The following ATXN1 variants were observed in gnomAD, a reference collection of about 807,000 sequenced individuals.
ATXN1 encodes the protein ataxin-1.
A neutral mutation model predicts 56.4 loss-of-function variants in ATXN1; 8 were observed. That is an observed-to-expected ratio of 0.14 (90% CI 0.08 to 0.26). The LOEUF (loss-of-function observed/expected upper bound fraction) is 0.26, where lower values mean the gene tolerates loss of function less well. Among genes scored for constraint, ATXN1 ranks in the 10% least tolerant of loss-of-function variants. The pLI is 1.00. For missense variants in ATXN1, 987 were observed against 1,106.5 expected (o/e 0.89, Z 1.53); for synonymous variants, 514 against 494.6 (o/e 1.04, Z -0.52).
At chr6:16,465,426 C>A (rs1169125715) in intron 6 of ATXN1, among the ~76,000 whole-genome samples, 4 of 152,208 alleles carry the variant, frequency 2.6e-5, no homozygotes, top group African/African-American at 4.8e-5. Context: ...CACTGCACTC[C>A]AGCCTGGGTG....
chr6:16,587,366 C>T (rs138863737), intron 3 of ATXN1, among the ~76,000 whole-genome samples: 91 of 152,232 alleles, frequency 6.0e-4, no homozygotes, highest in African/African-American at 2.0e-3. Flanking sequence ...AGAGGAATTT[C>T]GATATCTAAT....
chr6:16,469,219 C>G lies in ATXN1; in HGVS notation c.-161+16753G>C, dbSNP rs547958326. ...CTATTAGGGCCTGAAAAACCAACAG[C>G]AATTATACAAGAGTCTTGCCCTTAA... On this transcript the variant is annotated intron_variant, in intron 6 of 7. Transcript: ENST00000436367. 3.9e-5 allele frequency among the ~76,000 whole-genome samples: 6 copies of G among 152,264 alleles called. 1 individual carries two copies. Among genetic ancestry groups the G allele is most frequent in the African/African-American group, 1.2e-4 (5 of 41,554 alleles).
intron 3 of ATXN1, among the ~76,000 whole-genome samples, chr6:16,606,990 G>A (rs560692645): frequency 2.7e-5 from 4 of 150,796 alleles, no homozygotes; most frequent in Non-Finnish European, 4.4e-5. Flanking sequence ...GGGTTCAAGC[G>A]ATTCTCCTGC....
intron 6 of ATXN1, among the ~76,000 whole-genome samples, chr6:16,402,064 T>C (rs552777938): frequency 6.6e-6 from 1 of 152,096 alleles, no homozygotes; most frequent in South Asian, 2.1e-4. Flanking sequence ...GTGAGACTTA[T>C]CCATTACCAC....
intron 3 of ATXN1, chr6:16,615,349 G>A (rs1277256833): frequency 6.6e-6 from 1 of 151,392 alleles, no homozygotes. Context: ...AGGAATGGAA[G>A]GGAGAACTGT....
rs912944047 is a variant in ATXN1, at chr6:16,300,872, A to G, written c.*5457T>C. On this transcript the variant is annotated 3_prime_UTR_variant, in exon 8 of 8. Transcript: ENST00000436367. Reference sequence around the variant, plus strand: ...GAAGGGAGCTCAGAGAAGTACTTTCAGCATAGGAATGAACAGTATTCTCAA... The same window carrying G: ...GAAGGGAGCTCAGAGAAGTACTTTCGGCATAGGAATGAACAGTATTCTCAA... 1 of 152,788 alleles carries G rather than the reference A, an allele frequency of 6.5e-6. No individual in the cohort carries two copies. Among genetic ancestry groups the G allele is most frequent in the Non-Finnish European group, 1.5e-5 (1 of 68,036 alleles). The allele number at this position is 152,788 out of a possible 1,614,324, so 9.5% of individuals were successfully genotyped here.
chr6:16,399,723 G>A (rs906587716), intron 6 of ATXN1, among the ~76,000 whole-genome samples: 2 of 152,210 alleles, frequency 1.3e-5, no homozygotes, highest in East Asian at 1.9e-4. Context: ...AGCATCCAGC[G>A]CATAGAGGCC....
At chr6:16,718,645 A>G (rs1355471225) in intron 2 of ATXN1, among the ~76,000 whole-genome samples, 1 of 152,250 alleles carries the variant, frequency 6.6e-6, no homozygotes, top group East Asian at 1.9e-4. Context: ...GTAAATTATC[A>G]AAATGTAAAC....
intron 3 of ATXN1, among the ~76,000 whole-genome samples, chr6:16,622,471 G>A (rs548506701): frequency 2.0e-5 from 3 of 152,040 alleles, no homozygotes; most frequent in Non-Finnish European, 4.4e-5. Context: ...GTAAAGAAAT[G>A]AACTGACAAA....
At chr6:16,610,529 T>A (rs544055931) in intron 3 of ATXN1, among the ~76,000 whole-genome samples, 70 of 152,074 alleles carry the variant, frequency 4.6e-4, no homozygotes, top group African/African-American at 1.5e-3. Context: ...TGGCAAAGGG[T>A]TCTGATACAA....
chr6:16,604,454 G>A (rs1013067610), intron 3 of ATXN1, among the ~76,000 whole-genome samples: 1 of 151,786 alleles, frequency 6.6e-6, no homozygotes, highest in Non-Finnish European at 1.5e-5. Flanking sequence ...AACCACAATT[G>A]TATCACTGCT....
At chr6:16,332,326 A>C (rs188557727) in intron 6 of ATXN1, among the ~76,000 whole-genome samples, 1 of 152,230 alleles carries the variant, frequency 6.6e-6, no homozygotes, top group East Asian at 1.9e-4. Flanking sequence ...TTCCTGGTCT[A>C]TCGGGTGATC....
chr6:16,439,137 G>A (rs1246419241), intron 6 of ATXN1, among the ~76,000 whole-genome samples: 2 of 151,796 alleles, frequency 1.3e-5, no homozygotes, highest in Non-Finnish European at 2.9e-5. Flanking sequence ...TAAGAAGCAC[G>A]TTTGCCCATC....
intron 6 of ATXN1, among the ~76,000 whole-genome samples, chr6:16,481,672 C>T (rs981149710): frequency 1.3e-5 from 2 of 152,204 alleles, no homozygotes; most frequent in African/African-American, 4.8e-5. Flanking sequence ...CTTCCCATCA[C>T]ACACCACAGA....
At chr6:16,540,637 T>C (rs994801728) in intron 4 of ATXN1, among the ~76,000 whole-genome samples, 3 of 152,176 alleles carry the variant, frequency 2.0e-5, no homozygotes, top group Non-Finnish European at 4.4e-5. Context: ...ATGGCTGCAG[T>C]TGGGATTCAA....
chr6:16,531,913 C>T (rs236928), intron 4 of ATXN1, among the ~76,000 whole-genome samples: 16,046 of 152,124 alleles, frequency 0.11, 1,866 homozygotes, highest in African/African-American at 0.29. Flanking sequence ...ATATACGGTT[C>T]TAAAAATAGT....
At chr6:16,343,150 C>A (rs558454887) in intron 6 of ATXN1, among the ~76,000 whole-genome samples, 1 of 152,344 alleles carries the variant, frequency 6.6e-6, no homozygotes, top group South Asian at 2.1e-4. Context: ...CAAGACCATC[C>A]TGGCTAACAC....
At chr6:16,463,563 T>G (rs1760041871) in intron 6 of ATXN1, among the ~76,000 whole-genome samples, 1 of 152,240 alleles carries the variant, frequency 6.6e-6, no homozygotes, top group Admixed American at 6.5e-5. Flanking sequence ...ATAGACTCTT[T>G]GGCAGTAGTG....
At chr6:16,758,999 T>C (rs142700394) in intron 1 of ATXN1, among the ~76,000 whole-genome samples, 1 of 152,134 alleles carries the variant, frequency 6.6e-6, no homozygotes, top group South Asian at 2.1e-4. Flanking sequence ...AAAGCTCAAG[T>C]ATCAAACTAC....
Sources: gnomAD v4.1 joint callset for allele counts (sites outside exome capture counted in the v4.1 genomes callset) on GRCh38, gnomAD v4.1.1 for gene constraint, MANE v1.5 for transcripts, NCBI Gene and HGNC (gene_info 2026-07-23, HGNC 2026-07-21) for gene names.